The following DCAF6 variants were observed in gnomAD, a reference collection of about 807,000 sequenced individuals.
DCAF6 encodes DDB1 and CUL4 associated factor 6, also known as DDB1- and CUL4-associated factor 6.
In DCAF6, 54 loss-of-function variants were observed where a neutral mutation model predicts 125.1. The observed-to-expected ratio is 0.43, with a 90% CI of 0.35 to 0.54. The LOEUF is 0.54. Among genes scored for constraint, DCAF6 ranks in the 20% least tolerant of loss-of-function variants. The pLI is 0.01. For synonymous variants in DCAF6, 371 were observed against 390.4 expected (o/e 0.95, Z 0.58); for missense variants, 934 against 1,161.7 (o/e 0.80, Z 2.85).
chr1:168,002,611 G>T, intron 8 of DCAF6, 36 bp downstream of exon 8: 2 of 1,504,876 alleles, frequency 1.3e-6, no homozygotes, highest in Non-Finnish European at 1.8e-6. Flanking sequence ...TTTGTATATG[G>T]TATTTTAAAA....
chr1:168,017,457 A>G (rs1685133305), intron 11 of DCAF6, among the ~76,000 whole-genome samples: 2 of 152,096 alleles, frequency 1.3e-5, no homozygotes, highest in African/African-American at 4.8e-5. Flanking sequence ...AAATATTTTG[A>G]GATTCACTAA....
At chr1:167,948,767 T>A (rs1478067482) in intron 1 of DCAF6, among the ~76,000 whole-genome samples, 1 of 152,184 alleles carries the variant, frequency 6.6e-6, no homozygotes, top group Non-Finnish European at 1.5e-5. Context: ...TTCTCCTACC[T>A]CAGCCTCCCG....
In DCAF6 at chr1:168,015,863, G is replaced by C; in HGVS notation, c.1461G>C (p.Gln487His). The C allele has an allele frequency of 6.5e-7, 1 of 1,542,786 alleles. No individual in the cohort carries two copies. Among genetic ancestry groups the C allele is most frequent in the Non-Finnish European group, 8.7e-7 (1 of 1,143,096 alleles). The change falls in exon 11 of 22, where the codon CAG becomes CAC. Residue 487 changes from glutamine (Q) to histidine (H), a missense_variant. Gln to His is a conservative substitution (Grantham distance 24, BLOSUM62 0). Coordinates refer to ENST00000367840, the MANE Select transcript of DCAF6 (RefSeq NM_001198956.2). ...TTAAGAAGGCTGAGCAGCAGAGGCA[G>C]CAAGAGCTAGCTGCACATACCCAGC... Reference protein sequence around the residue: ...LRLKKAEQQRQQELAAHTQQQ... With the variant: ...LRLKKAEQQRHQELAAHTQQQ...
chr1:168,069,647 C>T lies in DCAF6; in HGVS notation c.2791+1184C>T, dbSNP rs12089243. 4.6e-3 allele frequency among the ~76,000 whole-genome samples: 700 copies of T among 152,132 alleles called. 3 individuals carry two copies. Among genetic ancestry groups the T allele is most frequent in the African/African-American group, 0.014 (596 of 41,518 alleles). On this transcript the variant is annotated intron_variant, in intron 21 of 21. Coordinates refer to ENST00000367840, the MANE Select transcript of DCAF6 (RefSeq NM_001198956.2). ...CACATCTGAAAAATTGAAAGAAGAC[C>T]CATATGTTTGTAATTAAAAGAATTA... is the stretch of plus-strand genomic sequence containing the variant.
At chr1:168,033,651 C>T (rs910808035) in intron 12 of DCAF6, among the ~76,000 whole-genome samples, 1 of 152,102 alleles carries the variant, frequency 6.6e-6, no homozygotes, top group African/African-American at 2.4e-5. Context: ...TCCTGAATCT[C>T]AAGTTACGGA....
At chr1:167,937,176 C>G (rs950391036) in intron 1 of DCAF6, 168 bp downstream of exon 1, 2 of 629,628 alleles carry the variant, frequency 3.2e-6, no homozygotes, top group Admixed American at 5.8e-5. Context: ...GTGCCTCCCC[C>G]AGTCAAGCCC....
In DCAF6 at chr1:168,030,455, A is replaced by G. The variant is rs532040087; in HGVS notation, c.1609+7408A>G. 5.9e-5 allele frequency among the ~76,000 whole-genome samples: 9 copies of G among 152,328 alleles called. No homozygotes were observed. The East Asian group carries it at 1.5e-3, about 26-fold the overall frequency. On this transcript the variant is annotated intron_variant, in intron 12 of 21. Transcript: ENST00000367840. ...TTTAAGAACAGAGGGAAGCTAATGA[A>G]GTGTTTAAATTAGGGAGTATGGCTA...
intron 16 of DCAF6, among the ~76,000 whole-genome samples, chr1:168,047,635 A>C (rs916021261): frequency 3.3e-5 from 5 of 152,068 alleles, no homozygotes; most frequent in Middle Eastern, 3.2e-3. Context: ...ATAAGAGAGA[A>C]TACCGAAGCC....
chr1:167,913,461 G>T, the DCAF6 span, among the ~76,000 whole-genome samples: 1 of 152,190 alleles, frequency 6.6e-6, no homozygotes, highest in Admixed American at 6.5e-5. Flanking sequence ...AAGCTTGCTT[G>T]CCTACTCTAG....
chr1:167,921,681 G>A, the DCAF6 span, among the ~76,000 whole-genome samples: 1 of 151,844 alleles, frequency 6.6e-6, no homozygotes, highest in African/African-American at 2.4e-5. Context: ...ATTTATGCCA[G>A]TTTTACTTGT....
chr1:168,020,424 C>T (rs1256478505), intron 11 of DCAF6, among the ~76,000 whole-genome samples: 1 of 152,122 alleles, frequency 6.6e-6, no homozygotes. Context: ...AAAGAATTTT[C>T]TCAAGACCAA....
the DCAF6 span, among the ~76,000 whole-genome samples, chr1:167,923,961 T>C: frequency 1.3e-5 from 2 of 152,222 alleles, no homozygotes; most frequent in Admixed American, 6.5e-5. Context: ...CCACCACAAT[T>C]GTTTCTTTTC....
At chr1:167,951,045 C>T (rs1415326115) in intron 1 of DCAF6, among the ~76,000 whole-genome samples, 4 of 152,190 alleles carry the variant, frequency 2.6e-5, no homozygotes, top group Non-Finnish European at 1.5e-5. Context: ...TCTTTTATCT[C>T]TTTTTCCTGC....
intron 1 of DCAF6, among the ~76,000 whole-genome samples, chr1:167,943,029 C>A (rs1383489111): frequency 6.6e-6 from 1 of 152,216 alleles, no homozygotes; most frequent in East Asian, 1.9e-4. Context: ...GCCTCAGCCT[C>A]CCGAGTAGCT....
chr1:167,925,049 T>C, the DCAF6 span, among the ~76,000 whole-genome samples: 7 of 152,200 alleles, frequency 4.6e-5, no homozygotes, highest in Admixed American at 2.6e-4. Flanking sequence ...TATCACCAGA[T>C]AGTGCAAACT....
chr1:167,970,543 G>C (rs1164941981), intron 3 of DCAF6, among the ~76,000 whole-genome samples: 1 of 152,100 alleles, frequency 6.6e-6, no homozygotes, highest in Non-Finnish European at 1.5e-5. Flanking sequence ...AGTTACTCGG[G>C]AGGGAGTGGC....
intron 11 of DCAF6, among the ~76,000 whole-genome samples, chr1:168,022,377 C>T (rs924654699): frequency 7.2e-5 from 11 of 152,164 alleles, no homozygotes; most frequent in Admixed American, 2.6e-4. Flanking sequence ...TACCAGGTAA[C>T]GCTAAAGAAA....
chr1:167,931,082 C>T (rs115477934), upstream of DCAF6, among the ~76,000 whole-genome samples: 917 of 152,316 alleles, frequency 6.0e-3, 3 homozygotes, highest in Non-Finnish European at 9.4e-3. Flanking sequence ...CAGGTGTGCA[C>T]CACCATGCCC....
the DCAF6 span, among the ~76,000 whole-genome samples, chr1:167,891,142 A>G: frequency 4.6e-5 from 7 of 151,890 alleles, no homozygotes; most frequent in African/African-American, 1.4e-4. Flanking sequence ...TTGTATTTTT[A>G]GTAGAGACAA....
Sources: allele counts gnomAD v4.1 joint callset (sites outside exome capture counted in the v4.1 genomes callset), GRCh38; gene constraint gnomAD v4.1.1; transcripts MANE v1.5; gene names NCBI Gene and HGNC (gene_info 2026-07-23, HGNC 2026-07-21).